Variants in PDE1C observed in about 807,000 individuals in gnomAD.
PDE1C encodes dual specificity calcium/calmodulin-dependent 3',5'-cyclic nucleotide phosphodiesterase 1C.
A neutral mutation model predicts 93.1 loss-of-function variants in PDE1C; 62 were observed. The ratio of observed to expected loss-of-function variants is 0.67; its 90% CI spans 0.54 to 0.82. The LOEUF (loss-of-function observed/expected upper bound fraction) is 0.82. PDE1C is among the 40% of genes least tolerant of loss of function. The pLI is 0.00. For synonymous variants in PDE1C, 325 were observed against 310.1 expected (o/e 1.05, Z -0.50); for missense variants, 742 against 884.6 (o/e 0.84, Z 2.04).
chr7:32,041,883 G>A (rs968900645), intron 2 of PDE1C, among the ~76,000 whole-genome samples: 1 of 152,006 alleles, frequency 6.6e-6, no homozygotes, highest in African/African-American at 2.4e-5. Context: ...GAAGAGAAAA[G>A]AACAATTGGC....
the PDE1C span, chr7:31,692,369 G>C: frequency 3.3e-6 from 4 of 1,224,460 alleles, no homozygotes; most frequent in South Asian, 3.8e-5. Context: ...TGAATAAACA[G>C]AGCCATACTT....
intron 3 of PDE1C, among the ~76,000 whole-genome samples, chr7:32,085,762 A>T (rs980890376): frequency 5.3e-5 from 8 of 151,922 alleles, no homozygotes; most frequent in Non-Finnish European, 8.8e-5. Context: ...CCACATTATT[A>T]TCTCAATAGA....
At chr7:32,060,159 G>A (rs1345981938) in intron 1 of PDE1C, among the ~76,000 whole-genome samples, 1 of 152,162 alleles carries the variant, frequency 6.6e-6, no homozygotes, top group Non-Finnish European at 1.5e-5. Flanking sequence ...ATTATTCACA[G>A]AGCTGTTTCA....
chr7:31,742,137 C>G, the PDE1C span, among the ~76,000 whole-genome samples: 1 of 152,216 alleles, frequency 6.6e-6, no homozygotes, highest in Non-Finnish European at 1.5e-5. Context: ...GAGAATGAGA[C>G]TGGTACACAT....
intron 2 of PDE1C, among the ~76,000 whole-genome samples, chr7:31,998,631 G>A (rs768380028): frequency 8.5e-5 from 13 of 152,142 alleles, no homozygotes; most frequent in Non-Finnish European, 1.6e-4. Context: ...AGGGACAGAA[G>A]CAGAAAATGA....
chr7:31,796,478 C>T (rs946647986), intron 16 of PDE1C, among the ~76,000 whole-genome samples: 2 of 151,616 alleles, frequency 1.3e-5, no homozygotes, highest in South Asian at 4.1e-4. Context: ...AGGACATTCA[C>T]TGAACCTAAA....
chr7:31,876,326 A>T (rs1019597609), intron 5 of PDE1C, among the ~76,000 whole-genome samples: 3 of 152,198 alleles, frequency 2.0e-5, no homozygotes, highest in Non-Finnish European at 4.4e-5. Flanking sequence ...TCCTTATCTG[A>T]ATAATCTAAG....
intron 3 of PDE1C, among the ~76,000 whole-genome samples, chr7:32,153,949 T>C (rs1028156477): frequency 1.3e-5 from 2 of 152,212 alleles, no homozygotes; most frequent in Admixed American, 6.5e-5. Flanking sequence ...CCTAGTGATA[T>C]TTTATAATTT....
chr7:31,870,203 C>A (rs1795764962), intron 6 of PDE1C, among the ~76,000 whole-genome samples: 1 of 151,492 alleles, frequency 6.6e-6, no homozygotes, highest in African/African-American at 2.4e-5. Context: ...AAAAAGAAAG[C>A]AATATCAAAC....
chr7:32,278,339 G>A (rs1811422427), intron 1 of PDE1C, among the ~76,000 whole-genome samples: 1 of 152,100 alleles, frequency 6.6e-6, no homozygotes, highest in African/African-American at 2.4e-5. Flanking sequence ...ACAAAGACTG[G>A]AAAGTCAATA....
chr7:31,926,172 T>C (rs1803354233), intron 2 of PDE1C, among the ~76,000 whole-genome samples: 2 of 152,130 alleles, frequency 1.3e-5, no homozygotes, highest in Non-Finnish European at 2.9e-5. Context: ...CACACGCATA[T>C]TGCCTGGTAT....
At chr7:31,678,364 G>A in the PDE1C span, among the ~76,000 whole-genome samples, 1 of 152,182 alleles carries the variant, frequency 6.6e-6, no homozygotes, top group African/African-American at 2.4e-5. Flanking sequence ...TGTACTGTTA[G>A]TGCTTGACTA....
At chr7:31,709,392 G>A in the PDE1C span, among the ~76,000 whole-genome samples, 2 of 152,128 alleles carry the variant, frequency 1.3e-5, no homozygotes, top group African/African-American at 2.4e-5. Context: ...GATAATGGAC[G>A]GCAAAGAGCT....
chr7:31,639,532 GT>G, the PDE1C span, among the ~76,000 whole-genome samples: 1 of 45,532 alleles, frequency 2.2e-5, no homozygotes, highest in East Asian at 7.6e-4. Context: ...TTGTTTGTTT[GT>G]TTTTGTTTTT....
intron 1 of PDE1C, among the ~76,000 whole-genome samples, chr7:32,335,906 T>A (rs960826694): frequency 6.6e-6 from 1 of 152,122 alleles, no homozygotes. Context: ...TTTTTAAAAT[T>A]TTTTGTAGAA....
intron 6 of PDE1C, 133 bp from the exon 7 acceptor site, chr7:31,865,215 T>C: frequency 1.4e-6 from 1 of 738,766 alleles, no homozygotes; most frequent in Middle Eastern, 2.7e-4. Flanking sequence ...ACACAGTTAA[T>C]AAAAATTACT....
the PDE1C span, among the ~76,000 whole-genome samples, chr7:31,738,973 C>A: frequency 2.6e-5 from 4 of 152,002 alleles, no homozygotes; most frequent in African/African-American, 9.7e-5. Context: ...TACCAGTTCC[C>A]CTCCTGACTT....
the PDE1C span, among the ~76,000 whole-genome samples, chr7:31,627,663 A>AAAAAAAAC: frequency 7.3e-6 from 1 of 137,096 alleles, no homozygotes; most frequent in African/African-American, 3.3e-5. Flanking sequence ...CTGTCTCAAA[A>AAAAAAAAC]AAAAAAAAAA....
At chr7:32,266,761 T>C (rs2128883404) in intron 1 of PDE1C, among the ~76,000 whole-genome samples, 1 of 152,112 alleles carries the variant, frequency 6.6e-6, no homozygotes, top group East Asian at 1.9e-4. Flanking sequence ...GCGGTGAGGA[T>C]GAACACTCAA....
Sources: allele counts gnomAD v4.1 joint callset (sites outside exome capture counted in the v4.1 genomes callset), GRCh38; gene constraint gnomAD v4.1.1; transcripts MANE v1.5; gene names NCBI Gene and HGNC (gene_info 2026-07-23, HGNC 2026-07-21).